SLC13A1: variants seen among roughly 807,000 people sequenced by gnomAD.
SLC13A1 encodes the protein solute carrier family 13 member 1, also known as Na(+)/sulfate cotransporter.
SLC13A1 carries 65 observed loss-of-function variants against 70.0 expected under a neutral mutation model. The ratio of observed to expected loss-of-function variants is 0.93; its 90% CI spans 0.76 to 1.14. SLC13A1 has a LOEUF of 1.14. Among genes scored for constraint, SLC13A1 ranks in the 50% most tolerant of loss-of-function variants. SLC13A1 has a pLI of 0.00. For missense variants in SLC13A1, 726 were observed against 717.8 expected, an observed-to-expected ratio of 1.01 and a Z score of -0.13; for synonymous variants, 275 against 250.5, an observed-to-expected ratio of 1.10 and a Z score of -0.92.
chr7:123,194,183 T>G (rs1341391579), intron 1 of SLC13A1, among the ~76,000 whole-genome samples: 1 of 152,074 alleles, frequency 6.6e-6, no homozygotes. Flanking sequence ...GGCCAATGTA[T>G]CCATGATGCA....
chr7:123,152,308 A>T (rs547511528), intron 6 of SLC13A1, among the ~76,000 whole-genome samples: 237 of 152,278 alleles, frequency 1.6e-3, no homozygotes, highest in African/African-American at 5.4e-3. Flanking sequence ...TGCAATGAAT[A>T]TGGGGAAGCA....
chr7:123,149,607 C>A, intron 6 of SLC13A1: 2 of 456,458 alleles, frequency 4.4e-6, no homozygotes, highest in Non-Finnish European at 8.8e-6. Flanking sequence ...TTTTGGTCAC[C>A]TCACTTGCAA....
chr7:123,130,952 G>A (rs1471573011), intron 8 of SLC13A1, among the ~76,000 whole-genome samples: 3 of 151,978 alleles, frequency 2.0e-5, no homozygotes, highest in African/African-American at 7.3e-5. Flanking sequence ...TCTAGATGGA[G>A]ACTTTTAAAA....
At chr7:123,187,049 G>A (rs894870347) in intron 1 of SLC13A1, among the ~76,000 whole-genome samples, 17 of 151,626 alleles carry the variant, frequency 1.1e-4, no homozygotes, top group African/African-American at 4.9e-5. Context: ...TACGTGTTAC[G>A]ACTCCCAAAA....
At chr7:123,135,000 A>G (rs907350206) in intron 7 of SLC13A1, among the ~76,000 whole-genome samples, 3 of 152,156 alleles carry the variant, frequency 2.0e-5, no homozygotes, top group Non-Finnish European at 4.4e-5. Context: ...ATTCTTGGCC[A>G]TGTGAAAGTA....
intron 6 of SLC13A1, among the ~76,000 whole-genome samples, chr7:123,160,268 C>T (rs1213625553): frequency 1.5e-5 from 2 of 134,902 alleles, no homozygotes; most frequent in Non-Finnish European, 3.1e-5. Flanking sequence ...GAGACTCAGT[C>T]TCAAAAAAAA....
At chr7:123,185,193 T>A (rs1483114170) in intron 1 of SLC13A1, among the ~76,000 whole-genome samples, 1 of 152,180 alleles carries the variant, frequency 6.6e-6, no homozygotes, top group Non-Finnish European at 1.5e-5. Context: ...TAATCTCTTA[T>A]CAGATGAATA....
Position 123,162,454 on chromosome 7 carries a change from T to G in SLC13A1, c.660+5920A>C, listed in dbSNP as rs1585356143. Among the ~76,000 whole-genome samples, 7 of 152,232 alleles carry G rather than the reference T, an allele frequency of 4.6e-5. No individual in the cohort carries two copies. The South Asian group carries it at 1.2e-3, about 27-fold the overall frequency. ...TGGTATTCTCCCTCTCTCTCCTTGC[T>G]TACCTCGTCTATAAACATTCTCTAT... is the stretch of plus-strand genomic sequence containing the variant. On this transcript the variant is annotated intron_variant, in intron 6 of 14. Transcript: ENST00000194130.
intron 1 of SLC13A1, among the ~76,000 whole-genome samples, chr7:123,192,569 G>C (rs979881354): frequency 3.3e-5 from 5 of 152,096 alleles, no homozygotes; most frequent in Admixed American, 3.3e-4. Context: ...ATGTGGGTAT[G>C]ATCTCTTCTC....
Position 123,180,959 on chromosome 7 carries a change from G to A in SLC13A1, c.228+14C>T, listed in dbSNP as rs1161393272. The A allele has an allele frequency of 1.2e-6, 2 of 1,601,864 alleles. No homozygotes were observed. The highest frequency in any genetic ancestry group is 1.1e-5 in the South Asian group (1 of 89,622). On this transcript the variant is annotated intron_variant, in intron 2 of 14. Coordinates refer to ENST00000194130, the MANE Select transcript of SLC13A1 (RefSeq NM_022444.4). The stretch of plus-strand genomic sequence containing the variant: ...AACAGGAAATCAACTTATGACATTG[G>A]CAAGAGGACTTACCTTCTTAGAAGG...
At chr7:123,176,560 T>C (rs980205223) in intron 2 of SLC13A1, among the ~76,000 whole-genome samples, 2 of 152,162 alleles carry the variant, frequency 1.3e-5, no homozygotes, top group African/African-American at 2.4e-5. Context: ...TACAAATCAA[T>C]AAATAGTTGT....
chr7:123,148,332 C>T (rs1322647928), intron 6 of SLC13A1: 1 of 332,844 alleles, frequency 3.0e-6, no homozygotes, highest in East Asian at 9.3e-5. Context: ...AATATCCTGG[C>T]CTCACAGATT....
At chr7:123,157,967 G>T (rs185280910) in intron 6 of SLC13A1, among the ~76,000 whole-genome samples, 1 of 151,982 alleles carries the variant, frequency 6.6e-6, no homozygotes, top group Admixed American at 6.6e-5. Flanking sequence ...TCCTAACCAT[G>T]AGCATTTTTT....
chr7:123,123,604 C>T (rs560926764), intron 11 of SLC13A1, among the ~76,000 whole-genome samples: 1 of 152,142 alleles, frequency 6.6e-6, no homozygotes, highest in African/African-American at 2.4e-5. Context: ...CTTTGCTATG[C>T]AAAATGTCCA....
rs1296770050 is a variant in SLC13A1 at position 123,115,536 on chromosome 7, A to T, written c.1770T>A (p.Ser590Arg). ...GTGCTTATTATGGCATGGTCTCATT[A>T]CTCATAGCAGGAGCCCACGAAGGGT... ...YTYPSWAPAM[S>R]NETMP The change falls in exon 15 of 15, where the codon AGT becomes AGA. Residue 590 changes from serine to arginine, a missense_variant. Coordinates refer to ENST00000194130, the MANE Select transcript of SLC13A1 (RefSeq NM_022444.4). 6.2e-7 allele frequency: 1 copy of T among 1,613,062 alleles called. No individual in the cohort carries two copies. Among genetic ancestry groups the T allele is most frequent in the Non-Finnish European group, 8.5e-7 (1 of 1,179,298 alleles).
chr7:123,199,819 C>T, intron 1 of SLC13A1, 29 bp downstream of exon 1: 1 of 1,496,322 alleles, frequency 6.7e-7, no homozygotes, highest in Middle Eastern at 1.7e-4. Context: ...GTCAGGAAAT[C>T]CACCAGTCTG....
intron 6 of SLC13A1, among the ~76,000 whole-genome samples, chr7:123,158,287 T>C (rs1034153643): frequency 9.2e-5 from 14 of 152,080 alleles, no homozygotes; most frequent in Non-Finnish European, 8.8e-5. Context: ...ATGAAAAAGA[T>C]TATAAAAGTT....
chr7:123,155,724 C>T (rs1794687315), intron 6 of SLC13A1, among the ~76,000 whole-genome samples: 1 of 152,040 alleles, frequency 6.6e-6, no homozygotes, highest in African/African-American at 2.4e-5. Context: ...TGAGAAAATT[C>T]TAAGGTCAAT....
At chr7:123,129,562 T>G in intron 8 of SLC13A1, 81 bp from the exon 9 acceptor site, 1 of 1,019,968 alleles carries the variant, frequency 9.8e-7, no homozygotes. Context: ...TGTAAAACGT[T>G]GTCATCTTCA....
Sources: gnomAD v4.1 joint callset for allele counts (sites outside exome capture counted in the v4.1 genomes callset) on GRCh38, gnomAD v4.1.1 for gene constraint, MANE v1.5 for transcripts, NCBI Gene and HGNC (gene_info 2026-07-23, HGNC 2026-07-21) for gene names.